Variants in LRCH2 observed in about 807,000 individuals in gnomAD.
LRCH2 encodes leucine rich repeats and calponin homology domain containing 2.
In LRCH2, 38 loss-of-function variants were observed where a neutral mutation model predicts 68.9. The ratio of observed to expected loss-of-function variants is 0.55; its 90% CI spans 0.43 to 0.72. The LOEUF is 0.72. Ranked by LOEUF, LRCH2 falls within the 30% of genes least tolerant of loss-of-function variation. The pLI is 0.00. For synonymous variants in LRCH2, 191 were observed against 208.1 expected (o/e 0.92, Z 0.71); for missense variants, 528 against 572.9 (o/e 0.92, Z 0.80).
At chrX:115,190,275 C>T (rs782067054) in intron 1 of LRCH2, 114 of 1,151,028 alleles carry the variant, frequency 9.9e-5, no homozygotes, top group Non-Finnish European at 1.1e-4. Flanking sequence ...TGAGAGGCGA[C>T]GGCAACCAAA....
chrX:115,227,293 T>C (rs1374704821), intron 1 of LRCH2, among the ~76,000 whole-genome samples: 1 of 92,070 alleles, frequency 1.1e-5, no homozygotes, highest in Non-Finnish European at 2.2e-5. Context: ...CCTTGTCTCT[T>C]AAAAAAAAAA....
intron 3 of LRCH2, 49 bp downstream of exon 3, chrX:115,184,362 G>A: frequency 1.0e-6 from 1 of 958,209 alleles, no homozygotes; most frequent in Non-Finnish European, 1.4e-6. Context: ...CTTCCAAAAT[G>A]TAGATATATT....
At chrX:115,140,179 G>A (rs1187590954) in intron 14 of LRCH2, among the ~76,000 whole-genome samples, 2 of 111,302 alleles carry the variant, frequency 1.8e-5, no homozygotes, top group Non-Finnish European at 3.8e-5. Context: ...GCCACAGTAG[G>A]ATGGGGCACT....
Position 115,119,108 on chromosome X carries a change from C to G in LRCH2, c.2178+3419G>C, listed in dbSNP as rs781865051. 4.6e-3 allele frequency among the ~76,000 whole-genome samples: 505 copies of G among 110,766 alleles called. 5 individuals are homozygous for G. The highest frequency in any genetic ancestry group is 7.3e-3 in the Non-Finnish European group (387 of 52,936). ...GAAGCATTCCCTTTGAAAACTGGCA[C>G]AAGACAGGGATGCCCTCTGTCACCA... On this transcript the variant is annotated intron_variant, in intron 20 of 20. Coordinates refer to ENST00000317135, the MANE Select transcript of LRCH2 (RefSeq NM_020871.4).
intron 1 of LRCH2, among the ~76,000 whole-genome samples, chrX:115,209,876 TA>T (rs2072994317): frequency 8.9e-6 from 1 of 112,053 alleles, no homozygotes; most frequent in East Asian, 2.8e-4. Context: ...TGTTTTGTTT[TA>T]GCAAAGAGAC....
At position 115,221,913 on chromosome X, in the gene LRCH2, G is replaced by T. The variant is rs956035103; in HGVS notation, c.349+11780C>A. 3.8e-5 allele frequency among the ~76,000 whole-genome samples: 4 copies of T among 104,863 alleles called. No homozygotes were observed. In the South Asian group the frequency reaches 1.7e-3, roughly 46 times the overall value. 91.1% of individuals were successfully genotyped at this position (104,863 alleles called of 115,157 possible). A position where few individuals can be genotyped will look rare whatever the true frequency, so the allele number is the denominator to read the frequency against. ...AGAATCAATAGGAGTTCACAAGGTG[G>T]AAAGCCAAAGAAGGATATTAACAGG... On this transcript the variant is annotated intron_variant, in intron 1 of 20. Transcript: ENST00000317135.
intron 20 of LRCH2, among the ~76,000 whole-genome samples, chrX:115,119,036 T>C (rs1556524986): frequency 9.0e-6 from 1 of 111,275 alleles, no homozygotes; most frequent in Non-Finnish European, 1.9e-5. Flanking sequence ...ATAAGAGCTA[T>C]CTATGACAAA....
intron 1 of LRCH2, among the ~76,000 whole-genome samples, chrX:115,200,792 T>A (rs1603089500): frequency 1.8e-5 from 2 of 110,783 alleles, no homozygotes; most frequent in East Asian, 2.8e-4. Flanking sequence ...TCTCCCTAAT[T>A]CTTTCCATGA....
At chrX:115,218,482 T>C (rs372202253) in intron 1 of LRCH2, among the ~76,000 whole-genome samples, 2 of 112,665 alleles carry the variant, frequency 1.8e-5, no homozygotes, top group Admixed American at 9.4e-5. Context: ...AGATGGGAAA[T>C]AGAAAGTACC....
At chrX:115,207,959 A>G (rs1338381933) in intron 1 of LRCH2, among the ~76,000 whole-genome samples, 1 of 111,708 alleles carries the variant, frequency 9.0e-6, no homozygotes, top group East Asian at 2.8e-4. Flanking sequence ...CCACTGGAAT[A>G]ATTGTGCCAC....
At chrX:115,206,647 A>C (rs1053986817) in intron 1 of LRCH2, among the ~76,000 whole-genome samples, 22 of 111,728 alleles carry the variant, frequency 2.0e-4, no homozygotes, top group African/African-American at 7.2e-4. Context: ...GCTTGCTGTC[A>C]GTAAATATGC....
chrX:115,182,068 T>C (rs2072696228), intron 3 of LRCH2, among the ~76,000 whole-genome samples: 1 of 111,748 alleles, frequency 8.9e-6, no homozygotes, highest in African/African-American at 3.3e-5. Flanking sequence ...GTATTTAGGT[T>C]ATATGTAAAT....
chrX:115,162,376 T>C (rs1157264753), intron 11 of LRCH2, among the ~76,000 whole-genome samples: 1 of 111,892 alleles, frequency 8.9e-6, no homozygotes, highest in African/African-American at 3.3e-5. Context: ...AATCAACACT[T>C]AAATTATATT....
chrX:115,148,012 G>C (rs2072401501), intron 14 of LRCH2, among the ~76,000 whole-genome samples: 1 of 111,333 alleles, frequency 9.0e-6, no homozygotes, highest in Admixed American at 9.6e-5. Flanking sequence ...TGAGGCTGCT[G>C]TGTGCTATGA....
chrX:115,174,960 T>C (rs1423434898), intron 5 of LRCH2, among the ~76,000 whole-genome samples: 2 of 111,104 alleles, frequency 1.8e-5, no homozygotes, highest in Non-Finnish European at 3.8e-5. Context: ...CTTTCAATCC[T>C]ACCTCCCTCA....
chrX:115,182,502 G>C (rs1556553080), intron 3 of LRCH2, among the ~76,000 whole-genome samples: 1 of 111,650 alleles, frequency 9.0e-6, no homozygotes, highest in African/African-American at 3.3e-5. Flanking sequence ...AAGGAATAAA[G>C]GTAATAAGGA....
rs142593150 is a variant in LRCH2 at position 115,185,582 on chromosome X, G to C, written c.495-1045C>G. On this transcript the variant is annotated intron_variant, in intron 2 of 20. Coordinates refer to ENST00000317135, the MANE Select transcript of LRCH2 (RefSeq NM_020871.4). ...TTTATAGACCTATACCTAGCATTTC[G>C]TGTAACATACACAGCAACAAAAGTC... Among the ~76,000 whole-genome samples, 419 of 110,188 alleles carry C rather than the reference G, an allele frequency of 3.8e-3. 1 individual carries two copies. Among genetic ancestry groups the C allele is most frequent in the African/African-American group, 0.013 (387 of 30,245 alleles).
intron 3 of LRCH2, among the ~76,000 whole-genome samples, chrX:115,182,388 T>A (rs1468081792): frequency 8.9e-6 from 1 of 111,906 alleles, no homozygotes; most frequent in Non-Finnish European, 1.9e-5. Flanking sequence ...ACTTGTTAGA[T>A]CATATCTGGA....
intron 14 of LRCH2, among the ~76,000 whole-genome samples, chrX:115,146,304 G>T (rs148072673): frequency 0.011 from 1,206 of 111,353 alleles, 9 homozygotes; most frequent in Non-Finnish European, 0.016. Context: ...GGAGTAGAGG[G>T]TAGGTGAAGA....
Sources: allele counts gnomAD v4.1 joint callset (sites outside exome capture counted in the v4.1 genomes callset), GRCh38; gene constraint gnomAD v4.1.1; transcripts MANE v1.5; gene names NCBI Gene and HGNC (gene_info 2026-07-23, HGNC 2026-07-21).